The following GSPT1 variants were observed in gnomAD, a reference collection of about 807,000 sequenced individuals.
GSPT1 encodes eukaryotic peptide chain release factor GTP-binding subunit ERF3A.
Under a neutral mutation model 72.5 loss-of-function variants are expected in GSPT1, and 20 were observed. The observed-to-expected ratio is 0.28, with a 90% CI of 0.19 to 0.40. GSPT1 has a LOEUF of 0.40. GSPT1 is among the 10% of genes least tolerant of loss of function. The probability of loss-of-function intolerance (pLI) is 1.00; values close to 1 mark genes in which losing one functional copy is unlikely to be tolerated. For missense variants in GSPT1, 580 were observed against 811.9 expected (o/e 0.71, Z 3.47); for synonymous variants, 334 against 293.5 (o/e 1.14, Z -1.41).
rs937811794 is a variant in GSPT1 at position 11,896,316 on chromosome 16, G to A, written c.664+242C>T. 3.9e-5 allele frequency among the ~76,000 whole-genome samples: 6 copies of A among 152,136 alleles called. No individual in the cohort carries two copies. The South Asian group carries it at 8.3e-4, about 21-fold the overall frequency. The stretch of plus-strand genomic sequence containing the variant: ...TCAATGGTCAATAGACTAATTATAT[G>A]TTACGTACAATATACTGAAGTTTTT... On this transcript the variant is annotated intron_variant, in intron 4 of 14. Coordinates refer to ENST00000434724, the MANE Select transcript of GSPT1 (RefSeq NM_002094.4).
At chr16:11,875,078 A>C (rs1382747112) in intron 14 of GSPT1, among the ~76,000 whole-genome samples, 1 of 152,064 alleles carries the variant, frequency 6.6e-6, no homozygotes, top group African/African-American at 2.4e-5. Flanking sequence ...AGTCCCAGCT[A>C]CTCGGGAGGC....
chr16:11,875,175 C>T (rs948920556), intron 14 of GSPT1, among the ~76,000 whole-genome samples: 13 of 149,630 alleles, frequency 8.7e-5, no homozygotes, highest in Admixed American at 6.7e-5. Context: ...GGTGACAGAT[C>T]GAGACTCCAT....
Position 11,915,663 on chromosome 16 carries a change from C to G in GSPT1, c.58G>C (p.Gly20Arg). The G allele has an allele frequency of 6.7e-7, 1 of 1,485,378 alleles. No homozygotes were observed. The highest frequency in any genetic ancestry group is 8.9e-7 in the Non-Finnish European group (1 of 1,122,728). The allele number at this position is 1,485,378 out of a possible 1,614,324, so 92.0% of individuals were successfully genotyped here. A position where few individuals can be genotyped will look rare whatever the true frequency, so the allele number is the denominator to read the frequency against. Residue 20 changes from glycine (G) to arginine (R), a missense_variant, in exon 1 of 15, where the codon GGC becomes CGC. Coordinates refer to ENST00000434724, the MANE Select transcript of GSPT1 (RefSeq NM_002094.4). ...GGCGCCGAGTCGCTGCTGCTGCTGCCGCTGCTGCTCCCGCCGCCGCCGCCG... is the reference window on the plus strand; with the variant it reads ...GGCGCCGAGTCGCTGCTGCTGCTGCGGCTGCTGCTCCCGCCGCCGCCGCCG... ...GGGGGGGSSS[G>R]SSSSDSAPDC...
chr16:11,915,472 G>C lies in GSPT1; in HGVS notation c.249C>G (p.Ala83=), dbSNP rs1412657267. ...AKPFVPNVHA[A]EFVPSFLRGP... ...CCCGCAGGAAGGACGGCACGAACTC[G>C]GCGGCGTGGACGTTGGGCACGAAGG... Residue 83 remains alanine (A), a synonymous_variant, in exon 1 of 15, where the codon GCC becomes GCG. Coordinates refer to ENST00000434724, the MANE Select transcript of GSPT1 (RefSeq NM_002094.4). 1.9e-6 allele frequency: 3 copies of C among 1,549,882 alleles called. No individual in the cohort carries two copies. The highest frequency in any genetic ancestry group is 1.9e-5 in the Admixed American group (1 of 52,614).
rs1468043087 is a variant in GSPT1 at position 11,883,201 on chromosome 16, T to G, written c.1348-106A>C. 4.3e-6 allele frequency: 3 copies of G among 692,394 alleles called. No individual in the cohort carries two copies. The East Asian group carries it at 8.0e-5, about 18-fold the overall frequency. The allele number at this position is 692,394 out of a possible 1,614,324, so 42.9% of individuals were successfully genotyped here. A position where few individuals can be genotyped will look rare whatever the true frequency, so the allele number is the denominator to read the frequency against. ...ACTGCTTATTCATAAAGGAAAATCA[T>G]TTGCTTAAGTAGAAGGCTTAGGTTC... On this transcript the variant is annotated intron_variant, in intron 10 of 14. Coordinates refer to ENST00000434724, the MANE Select transcript of GSPT1 (RefSeq NM_002094.4).
rs559302323 is a variant in GSPT1 at position 11,871,638 on chromosome 16, T to G, written c.*1481A>C. ...TGGAAATACAGTCTGTCTAGGCTTTTCTTTTCTGAGGAGCAAAATTATAGG... is the reference window on the plus strand; with the variant it reads ...TGGAAATACAGTCTGTCTAGGCTTTGCTTTTCTGAGGAGCAAAATTATAGG... On this transcript the variant is annotated 3_prime_UTR_variant, in exon 15 of 15. Transcript: ENST00000434724. The G allele has an allele frequency of 5.9e-5, 9 of 152,312 alleles. No homozygotes were observed. The East Asian group carries it at 1.5e-3, about 26-fold the overall frequency. The allele number at this position is 152,312 out of a possible 1,614,324, so 9.4% of individuals were successfully genotyped here.
intron 7 of GSPT1, among the ~76,000 whole-genome samples, chr16:11,887,355 T>C (rs1555504269): frequency 2.6e-5 from 4 of 152,254 alleles, no homozygotes; most frequent in South Asian, 4.1e-4. Flanking sequence ...TAATAGATAA[T>C]AGCAACAGGA....
intron 1 of GSPT1, chr16:11,915,060 G>A (rs765146443): frequency 3.1e-6 from 4 of 1,290,906 alleles, no homozygotes; most frequent in East Asian, 5.5e-5. Flanking sequence ...CCCCCACTCC[G>A]TTCCATACGG....
At chr16:11,898,525 TAC>T (rs2054368385) in intron 1 of GSPT1, among the ~76,000 whole-genome samples, 1 of 150,126 alleles carries the variant, frequency 6.7e-6, no homozygotes, top group Admixed American at 6.7e-5. Flanking sequence ...GATCTTGGCT[TAC>T]CGCAACCTCC....
chr16:11,879,482 C>A (rs1274916943), intron 11 of GSPT1, among the ~76,000 whole-genome samples: 2 of 152,022 alleles, frequency 1.3e-5, no homozygotes, highest in East Asian at 3.9e-4. Context: ...CGCCTGTAAC[C>A]CCAGCACTTT....
At position 11,869,626 on chromosome 16, in the gene GSPT1, G is replaced by GT. The variant is rs2053956870; in HGVS notation, c.*3492dup. 1 of 152,148 alleles carries GT rather than the reference G, an allele frequency of 6.6e-6. No individual in the cohort carries two copies. Among genetic ancestry groups the GT allele is most frequent in the African/African-American group, 2.4e-5 (1 of 41,424 alleles). 9.4% of individuals were successfully genotyped at this position (152,148 alleles called of 1,614,324 possible). On this transcript the variant is annotated 3_prime_UTR_variant, in exon 15 of 15. Transcript: ENST00000434724. ...ATGTTAAGACCTGTAATAAAACTGC[G>GT]TATTTTCCCCTTGACTACCTTAAAT... is the stretch of plus-strand genomic sequence containing the variant.
chr16:11,914,782 AT>A (rs2054607334), intron 1 of GSPT1, among the ~76,000 whole-genome samples: 1 of 152,216 alleles, frequency 6.6e-6, no homozygotes, highest in African/African-American at 2.4e-5. Flanking sequence ...AGATCTTGGT[AT>A]TGATAGCCAA....
chr16:11,879,634 G>T (rs1381771018), intron 11 of GSPT1, among the ~76,000 whole-genome samples: 1 of 151,006 alleles, frequency 6.6e-6, no homozygotes, highest in Non-Finnish European at 1.5e-5. Context: ...TTGGGAGGCT[G>T]AGGCAGGAGC....
chr16:11,916,427 C>T (rs980573960), upstream of GSPT1, among the ~76,000 whole-genome samples: 4 of 152,230 alleles, frequency 2.6e-5, no homozygotes, highest in Non-Finnish European at 5.9e-5. Flanking sequence ...GAAAAATACA[C>T]TCAGCTCCCG....
At chr16:11,879,657 G>A (rs144312536) in intron 11 of GSPT1, among the ~76,000 whole-genome samples, 2,051 of 150,078 alleles carry the variant, frequency 0.014, 39 homozygotes, top group African/African-American at 0.048. Flanking sequence ...TGCTTGAACC[G>A]GGACCTGGGA....
intron 1 of GSPT1, chr16:11,904,042 C>T: frequency 4.4e-6 from 1 of 224,978 alleles, no homozygotes; most frequent in Non-Finnish European, 9.9e-6. Context: ...AAAGCTGCAA[C>T]CCCCAGGGAC....
chr16:11,892,513 A>AAAAAAAATAAT (rs2054275332), intron 5 of GSPT1, among the ~76,000 whole-genome samples: 1 of 127,756 alleles, frequency 7.8e-6, no homozygotes, highest in African/African-American at 3.2e-5. Context: ...TCTCAAAAAA[A>AAAAAAAATAAT]CAAAAAAAAC....
chr16:11,890,936 G>T, intron 6 of GSPT1, 126 bp downstream of exon 6: 1 of 594,140 alleles, frequency 1.7e-6, no homozygotes, highest in Non-Finnish European at 3.0e-6. Flanking sequence ...TGAGGAGAGG[G>T]GAAATTTCCT....
rs1251610334 is a variant in GSPT1, at chr16:11,915,732, C to A, written c.-12G>T. The A allele has an allele frequency of 2.0e-6, 3 of 1,520,444 alleles. No individual in the cohort carries two copies. The highest frequency in any genetic ancestry group is 1.4e-5 in the African/African-American group (1 of 70,452). 94.2% of individuals were successfully genotyped at this position (1,520,444 alleles called of 1,614,324 possible). A position where few individuals can be genotyped will look rare whatever the true frequency, so the allele number is the denominator to read the frequency against. ...CTGCCCGGATCCATGATCGGGGGGG[C>A]CGTGTGTGTGGTGGACAGAGAGCGG... On this transcript the variant is annotated 5_prime_UTR_variant, in exon 1 of 15. Coordinates refer to ENST00000434724, the MANE Select transcript of GSPT1 (RefSeq NM_002094.4).
Sources: allele counts gnomAD v4.1 joint callset (sites outside exome capture counted in the v4.1 genomes callset), GRCh38; gene constraint gnomAD v4.1.1; transcripts MANE v1.5; gene names NCBI Gene and HGNC (gene_info 2026-07-23, HGNC 2026-07-21).